The following CCDC192 variants were observed in gnomAD, a reference collection of about 807,000 sequenced individuals.
CCDC192 encodes coiled-coil domain containing 192.
chr5:127,706,419 C>T (rs551806736), intron 1 of CCDC192, among the ~76,000 whole-genome samples: 13 of 148,552 alleles, frequency 8.8e-5, no homozygotes, highest in African/African-American at 3.2e-4. Flanking sequence ...CCCAGTTACT[C>T]GGGAGACTGA....
At chr5:127,712,233 A>G (rs1258614481) in intron 2 of CCDC192, among the ~76,000 whole-genome samples, 1 of 152,168 alleles carries the variant, frequency 6.6e-6, no homozygotes, top group Non-Finnish European at 1.5e-5. Context: ...CAATCTGTTT[A>G]TCCCTGCTGC....
intron 3 of CCDC192, among the ~76,000 whole-genome samples, chr5:127,790,500 A>G (rs142606044): frequency 7.1e-4 from 108 of 152,310 alleles, no homozygotes; most frequent in African/African-American, 2.5e-3. Flanking sequence ...TTGATACACA[A>G]TAAATTATTG....
chr5:127,733,518 T>G (rs1458060140), intron 2 of CCDC192, among the ~76,000 whole-genome samples: 1 of 152,286 alleles, frequency 6.6e-6, no homozygotes, highest in Admixed American at 6.5e-5. Flanking sequence ...ATCAGTCAGA[T>G]TCATATTTGA....
At chr5:127,778,856 T>C (rs990210859) in intron 3 of CCDC192, among the ~76,000 whole-genome samples, 1 of 152,166 alleles carries the variant, frequency 6.6e-6, no homozygotes, top group Non-Finnish European at 1.5e-5. Flanking sequence ...TAATTCATGG[T>C]TTCTAGGAAT....
At chr5:127,732,823 A>G (rs1752716919) in intron 2 of CCDC192, among the ~76,000 whole-genome samples, 1 of 152,130 alleles carries the variant, frequency 6.6e-6, no homozygotes, top group Non-Finnish European at 1.5e-5. Context: ...GGGGAATAAC[A>G]CACACTGGGG....
chr5:127,912,595 G>A (rs778109643), intron 6 of CCDC192, among the ~76,000 whole-genome samples: 57 of 152,128 alleles, frequency 3.7e-4, no homozygotes, highest in Non-Finnish European at 8.1e-4. Flanking sequence ...TTCTCGGCAA[G>A]GGAGGCAGCC....
Position 127,704,771 on chromosome 5 carries a change from T to C in CCDC192, c.62+1264T>C, listed in dbSNP as rs912593535. Among the ~76,000 whole-genome samples the C allele has an allele frequency of 4.6e-5, 7 of 152,036 alleles. No homozygotes were observed. The East Asian group carries it at 1.4e-3, about 29-fold the overall frequency. On this transcript the variant is annotated intron_variant, in intron 1 of 6. Transcript: ENST00000514853. ...GAACAAAGCAGCTAAAGAGATAACA[T>C]ATCTCCCCAGTAAGCCTAGATCGCG...
intron 6 of CCDC192, among the ~76,000 whole-genome samples, chr5:127,893,335 C>T (rs1254752095): frequency 1.3e-5 from 2 of 152,184 alleles, no homozygotes; most frequent in Non-Finnish European, 2.9e-5. Flanking sequence ...ATCAAAATAG[C>T]TACTTTGCAA....
At chr5:127,844,996 C>A (rs1261350960) in intron 5 of CCDC192, among the ~76,000 whole-genome samples, 1 of 152,146 alleles carries the variant, frequency 6.6e-6, no homozygotes, top group Non-Finnish European at 1.5e-5. Flanking sequence ...TTGAAGATAG[C>A]AAGATTGCAC....
At chr5:127,855,484 T>C (rs1208739095) in intron 5 of CCDC192, among the ~76,000 whole-genome samples, 3 of 152,256 alleles carry the variant, frequency 2.0e-5, no homozygotes, top group South Asian at 2.1e-4. Context: ...TCCTTGAGGG[T>C]TGGAATCAAT....
At chr5:127,912,553 G>GAGA (rs1310671169) in intron 6 of CCDC192, among the ~76,000 whole-genome samples, 4 of 151,978 alleles carry the variant, frequency 2.6e-5, no homozygotes. Context: ...GACATCACAG[G>GAGA]AGAACACCGA....
rs192524595 is a variant in CCDC192, at chr5:127,704,118, G to A, written c.62+611G>A. On this transcript the variant is annotated intron_variant, in intron 1 of 6. Transcript: ENST00000514853. Reference sequence around the variant, plus strand: ...AGGTGGCCACATCTCTGTAGCAGGAGCTACATCCTATAGGGCAGTATCCTT... The same window carrying A: ...AGGTGGCCACATCTCTGTAGCAGGAACTACATCCTATAGGGCAGTATCCTT... Among the ~76,000 whole-genome samples the A allele has an allele frequency of 7.9e-4, 120 of 152,312 alleles. No homozygotes were observed. The Middle Eastern group carries it at 0.02, about 26-fold the overall frequency.
intron 5 of CCDC192, among the ~76,000 whole-genome samples, chr5:127,832,304 C>T (rs554011708): frequency 2.6e-5 from 4 of 152,108 alleles, no homozygotes; most frequent in African/African-American, 7.2e-5. Context: ...TTTACACTGG[C>T]GGAATCACTC....
At chr5:127,759,477 G>A (rs1423992031) in intron 3 of CCDC192, among the ~76,000 whole-genome samples, 1 of 135,370 alleles carries the variant, frequency 7.4e-6, no homozygotes, top group Non-Finnish European at 1.5e-5. Flanking sequence ...CTGTGAACCA[G>A]GAAGCAGACC....
intron 5 of CCDC192, among the ~76,000 whole-genome samples, chr5:127,813,131 A>C (rs960700232): frequency 1.3e-5 from 2 of 152,212 alleles, no homozygotes; most frequent in Non-Finnish European, 2.9e-5. Context: ...GAAGGGCCTG[A>C]TGGCACACAC....
rs113083657 is a variant in CCDC192, at chr5:127,771,927, G to A, written c.222+17552G>A. The stretch of plus-strand genomic sequence containing the variant: ...CAGAGTTCCTGTTGGTGTGGTTCCC[G>A]CCTTGCGTTTGAATCCCAGGTTCCA... On this transcript the variant is annotated intron_variant, in intron 3 of 6. Transcript: ENST00000514853. Among the ~76,000 whole-genome samples the A allele has an allele frequency of 4.9e-4, 74 of 152,274 alleles. 1 individual carries two copies. Among genetic ancestry groups the A allele is most frequent in the South Asian group, 4.8e-3 (23 of 4,826 alleles).
chr5:127,722,390 T>C (rs932281653), intron 2 of CCDC192, among the ~76,000 whole-genome samples: 5 of 152,168 alleles, frequency 3.3e-5, no homozygotes, highest in African/African-American at 4.8e-5. Context: ...TTTGCAAATA[T>C]TTTCTCCCAT....
At chr5:127,730,282 G>T (rs1185671387) in intron 2 of CCDC192, among the ~76,000 whole-genome samples, 1 of 151,878 alleles carries the variant, frequency 6.6e-6, no homozygotes, top group South Asian at 2.1e-4. Context: ...GAAGAACTGG[G>T]TAAGTTCCTG....
At chr5:127,925,794 A>C (rs1222869803) in intron 6 of CCDC192, among the ~76,000 whole-genome samples, 1 of 152,084 alleles carries the variant, frequency 6.6e-6, no homozygotes, top group Non-Finnish European at 1.5e-5. Context: ...TCTAAAACCT[A>C]CTTTCCCCTT....
Sources: gnomAD v4.1 joint callset for allele counts (sites outside exome capture counted in the v4.1 genomes callset) on GRCh38, gnomAD v4.1.1 for gene constraint, MANE v1.5 for transcripts, NCBI Gene and HGNC (gene_info 2026-07-23, HGNC 2026-07-21) for gene names.